The following CLN8 variants were observed in gnomAD, a reference collection of about 807,000 sequenced individuals.
CLN8 encodes the protein protein CLN8.
A neutral mutation model predicts 15.7 loss-of-function variants in CLN8; 14 were observed. The ratio of observed to expected loss-of-function variants is 0.89; its 90% CI spans 0.59 to 1.39. The LOEUF (loss-of-function observed/expected upper bound fraction) is 1.39, where lower values mean the gene tolerates loss of function less well. Among genes scored for constraint, CLN8 ranks in the 40% most tolerant of loss-of-function variants. CLN8 has a pLI of 0.00. For missense variants in CLN8, 415 were observed against 364.0 expected, an observed-to-expected ratio of 1.14 and a Z score of -1.14; for synonymous variants, 188 against 151.0, an observed-to-expected ratio of 1.25 and a Z score of -1.80.
intron 2 of CLN8, among the ~76,000 whole-genome samples, chr8:1,778,183 G>C (rs2129014508): frequency 6.6e-6 from 1 of 152,280 alleles, no homozygotes; most frequent in Middle Eastern, 3.4e-3. Context: ...TTACCACCCA[G>C]ACAAGGATGT....
intron 1 of CLN8, among the ~76,000 whole-genome samples, chr8:1,765,946 C>T (rs566084002): frequency 1.2e-4 from 18 of 152,258 alleles, no homozygotes; most frequent in Admixed American, 8.5e-4. Flanking sequence ...GACGTCACTT[C>T]CAAGTTTGGA....
At chr8:1,763,423 C>T (rs1448474008), upstream of CLN8, 1 of 38,156 alleles carries the variant, frequency 2.6e-5, no homozygotes, top group Non-Finnish European at 5.0e-5. Context: ...CGCGCCCCGC[C>T]CCCCGCCGCG....
chr8:1,766,231 G>C (rs1801049523), intron 1 of CLN8, among the ~76,000 whole-genome samples: 1 of 152,144 alleles, frequency 6.6e-6, no homozygotes, highest in Non-Finnish European at 1.5e-5. Context: ...AGAAAATGAA[G>C]ATCTGCAGCG....
rs386834134 is a variant in CLN8, at chr8:1,780,317, G to A, written c.611G>A (p.Arg204His). Residue 204 changes from arginine to histidine, a missense_variant, in exon 3 of 3, where the codon CGC (arginine) becomes CAC (histidine). Physicochemically the swap from Arg to His is conservative, Grantham distance 29. Transcript: ENST00000331222. ...CTGATGATTCACATGTTTCACTGCC[G>A]CATGGTTCTAACCTACCACATGTGG... ...QWLMIHMFHC[R>H]MVLTYHMWWV... 5 of 1,614,118 alleles carry A rather than the reference G, an allele frequency of 3.1e-6. No individual in the cohort carries two copies. The highest frequency in any genetic ancestry group is 2.2e-5 in the East Asian group (1 of 44,902).
chr8:1,779,940 T>C (rs535629866), intron 2 of CLN8: 1 of 985,040 alleles, frequency 1.0e-6, no homozygotes, highest in African/African-American at 1.7e-5. Context: ...AAAACAAAGA[T>C]TGAAGGGATA....
At chr8:1,764,390 A>T (rs1800957555) in intron 1 of CLN8, 1 of 152,346 alleles carries the variant, frequency 6.6e-6, no homozygotes, top group Non-Finnish European at 1.5e-5. Flanking sequence ...GTCGCCCCTG[A>T]CCTCGCTTCC....
In CLN8 at chr8:1,771,171, T is replaced by C. The variant is rs201670636; in HGVS notation, c.117T>C (p.Phe39=). The C allele has an allele frequency of 1.2e-6, 2 of 1,614,090 alleles. No individual in the cohort carries two copies. The highest frequency in any genetic ancestry group is 1.3e-5 in the African/African-American group (1 of 75,016). The part of the protein sequence containing the change: ...VAGFVFYLGV[F]VVCHQLSSSL... ...GCTTTGTCTTCTACTTGGGCGTCTT[T>C]GTGGTCTGCCACCAGCTGTCCTCTT... The change falls in exon 2 of 3, where the codon TTT becomes TTC. Residue 39 remains phenylalanine (F), a synonymous_variant. Transcript: ENST00000331222.
At chr8:1,770,768 A>G (rs1275147400) in intron 1 of CLN8, among the ~76,000 whole-genome samples, 164 bp from the exon 2 acceptor site, 1 of 152,088 alleles carries the variant, frequency 6.6e-6, no homozygotes, top group Non-Finnish European at 1.5e-5. Flanking sequence ...CTTTCCTCCT[A>G]TACTGTCAGT....
chr8:1,774,310 G>A (rs1483246281), intron 2 of CLN8, among the ~76,000 whole-genome samples: 4 of 152,200 alleles, frequency 2.6e-5, no homozygotes, highest in Non-Finnish European at 5.9e-5. Flanking sequence ...CATGTTAACT[G>A]TATAAAGCCA....
upstream of CLN8, chr8:1,763,743 C>T (rs565077918): frequency 6.9e-6 from 1 of 145,612 alleles, no homozygotes; most frequent in East Asian, 2.1e-4. Flanking sequence ...AACGCGTGCG[C>T]ACGCGCGTGC....
At chr8:1,765,910 A>G (rs1801033738) in intron 1 of CLN8, among the ~76,000 whole-genome samples, 1 of 152,246 alleles carries the variant, frequency 6.6e-6, no homozygotes, top group Non-Finnish European at 1.5e-5. Context: ...CAGGGAAAAA[A>G]GCATGCAACC....
chr8:1,771,600 A>T lies in CLN8; in HGVS notation c.543+3A>T, dbSNP rs1169927721. On this transcript the variant is annotated splice_donor_region_variant and intron_variant, in intron 2 of 2. Transcript: ENST00000331222. Reference sequence around the variant, plus strand: ...GCGTTTCCTGGATGCTCTTAAAGGTAAGTGCATGCATCAGCAGAAGATGAC... The same window carrying T: ...GCGTTTCCTGGATGCTCTTAAAGGTTAGTGCATGCATCAGCAGAAGATGAC... 1.2e-6 allele frequency: 2 copies of T among 1,613,134 alleles called. No individual in the cohort carries two copies. The highest frequency in any genetic ancestry group is 1.1e-5 in the South Asian group (1 of 91,036).
chr8:1,754,562 CT>C (rs1800624198), upstream of CLN8, among the ~76,000 whole-genome samples: 1 of 152,202 alleles, frequency 6.6e-6, no homozygotes, highest in African/African-American at 2.4e-5. Context: ...ATTTTCAGAA[CT>C]TGAGATCTTT....
upstream of CLN8, among the ~76,000 whole-genome samples, chr8:1,761,183 G>C (rs1800788117): frequency 6.6e-6 from 1 of 151,298 alleles, no homozygotes; most frequent in South Asian, 2.1e-4. Flanking sequence ...CTGCCAATCA[G>C]GTTCATGTTG....
chr8:1,763,350 C>A (rs1261229646), upstream of CLN8: 1 of 132,536 alleles, frequency 7.5e-6, no homozygotes, highest in African/African-American at 2.8e-5. Context: ...TCCCGCCGGC[C>A]GTGGTTCAGC....
chr8:1,768,740 G>A (rs1175345002), intron 1 of CLN8, among the ~76,000 whole-genome samples: 1 of 152,166 alleles, frequency 6.6e-6, no homozygotes, highest in Non-Finnish European at 1.5e-5. Context: ...TGCACTTGAA[G>A]TTGATCTGCT....
At chr8:1,757,960 A>G (rs1015361936) in intron 1 of CLN8, among the ~76,000 whole-genome samples, 1 of 152,038 alleles carries the variant, frequency 6.6e-6, no homozygotes, top group African/African-American at 2.4e-5. Flanking sequence ...TTAGGGACCA[A>G]TCTCATCCTT....
rs1227922014 is a variant in CLN8, at chr8:1,763,808, T to G, written c.-201T>G. The stretch of plus-strand genomic sequence containing the variant: ...CCGGCCAGTCGTGACTGGGCGGCAA[T>G]GAGGTCAGTGACTGCCGGGAGTCCT... On this transcript the variant is annotated 5_prime_UTR_variant, in exon 1 of 3. It removes an upstream start codon present in the reference 5' UTR. Coordinates refer to ENST00000331222, the MANE Select transcript of CLN8 (RefSeq NM_018941.4). The G allele has an allele frequency of 1.3e-5, 2 of 149,790 alleles. No homozygotes were observed. The highest frequency in any genetic ancestry group is 2.5e-5 in the African/African-American group (1 of 40,700). The allele number at this position is 149,790 out of a possible 1,614,324, so 9.3% of individuals were successfully genotyped here.
intron 2 of CLN8, among the ~76,000 whole-genome samples, chr8:1,774,153 C>T (rs1801421884): frequency 6.6e-6 from 1 of 152,210 alleles, no homozygotes; most frequent in Non-Finnish European, 1.5e-5. Flanking sequence ...AGTTCTCCCT[C>T]CCCTGGTGTG....
Sources: allele counts gnomAD v4.1 joint callset (sites outside exome capture counted in the v4.1 genomes callset), GRCh38; gene constraint gnomAD v4.1.1; transcripts MANE v1.5; gene names NCBI Gene and HGNC (gene_info 2026-07-23, HGNC 2026-07-21).